SNX13: variants seen among roughly 807,000 people sequenced by gnomAD.
The protein encoded by SNX13 is sorting nexin-13.
SNX13 carries 45 observed loss-of-function variants against 133.6 expected under a neutral mutation model. The ratio of observed to expected loss-of-function variants is 0.34; its 90% CI spans 0.27 to 0.43. SNX13 has a LOEUF of 0.43. Ranked by LOEUF, SNX13 falls within the 20% of genes least tolerant of loss-of-function variation. The probability of loss-of-function intolerance (pLI) is 1.00; values close to 1 mark genes in which losing one functional copy is unlikely to be tolerated. For synonymous variants in SNX13, 414 were observed against 373.9 expected (o/e 1.11, Z -1.24); for missense variants, 1,032 against 1,145.1 (o/e 0.90, Z 1.43).
At chr7:17,887,171 A>G (rs1335476155) in intron 5 of SNX13, among the ~76,000 whole-genome samples, 1 of 152,194 alleles carries the variant, frequency 6.6e-6, no homozygotes. Flanking sequence ...TTTCACCCAC[A>G]TCATCTCATT....
rs150366643 is a variant in SNX13 at position 17,794,436 on chromosome 7, G to C, written c.2627-144C>G. 4.1e-4 allele frequency: 410 copies of C among 1,003,502 alleles called. No individual in the cohort carries two copies. The African/African-American group carries it at 6.0e-3, about 15-fold the overall frequency. The allele number at this position is 1,003,502 out of a possible 1,614,324, so 62.2% of individuals were successfully genotyped here. ...TAATGCATTTCAGCTATGTACTATA[G>C]CTGAAACTTAATATGCATCTTTGCA... On this transcript the variant is annotated intron_variant, in intron 25 of 25. Transcript: ENST00000428135.
intron 1 of SNX13, among the ~76,000 whole-genome samples, chr7:17,911,265 T>C (rs1485011464): frequency 1.3e-5 from 2 of 152,226 alleles, no homozygotes; most frequent in Non-Finnish European, 2.9e-5. Flanking sequence ...TTGTATCATA[T>C]AGGAATGTAT....
At chr7:17,879,038 T>G (rs556625581) in intron 5 of SNX13, among the ~76,000 whole-genome samples, 24 of 152,232 alleles carry the variant, frequency 1.6e-4, no homozygotes, top group African/African-American at 5.8e-4. Flanking sequence ...CCCCACCCTC[T>G]CCACTATTCC....
intron 5 of SNX13, among the ~76,000 whole-genome samples, chr7:17,878,012 C>G (rs960582734): frequency 1.3e-5 from 2 of 151,954 alleles, no homozygotes; most frequent in African/African-American, 2.4e-5. Flanking sequence ...TTGGAAAATA[C>G]TTTGATGACA....
rs1783658237 is a variant in SNX13 at position 17,792,625 on chromosome 7, C to T, written c.*1420G>A. Reference sequence around the variant, plus strand: ...TAAGCACCCAGACTTTCTTTTAATACCAGGATCTTGGCTCAGTGGTCTGAT... The same window carrying T: ...TAAGCACCCAGACTTTCTTTTAATATCAGGATCTTGGCTCAGTGGTCTGAT... On this transcript the variant is annotated 3_prime_UTR_variant, in exon 26 of 26. Coordinates refer to ENST00000428135, the MANE Select transcript of SNX13 (RefSeq NM_015132.5). 6.6e-6 allele frequency: 1 copy of T among 152,284 alleles called. No individual in the cohort carries two copies. The highest frequency in any genetic ancestry group is 1.5e-5 in the Non-Finnish European group (1 of 67,884). The allele number at this position is 152,284 out of a possible 1,614,324, so 9.4% of individuals were successfully genotyped here.
chr7:17,906,133 T>A (rs147256730), intron 1 of SNX13, among the ~76,000 whole-genome samples: 2,217 of 152,274 alleles, frequency 0.015, 22 homozygotes, highest in Non-Finnish European at 0.022. Flanking sequence ...AAGTACAAGA[T>A]GATTTTACAA....
At chr7:17,819,560 A>G (rs1787050740) in intron 18 of SNX13, among the ~76,000 whole-genome samples, 1 of 152,184 alleles carries the variant, frequency 6.6e-6, no homozygotes, top group African/African-American at 2.4e-5. Flanking sequence ...AATTATATAA[A>G]CAAATGAAAC....
chr7:17,803,574 T>C lies in SNX13; in HGVS notation c.2071A>G (p.Thr691Ala), dbSNP rs1205701055. 4 of 1,607,302 alleles carry C rather than the reference T, an allele frequency of 2.5e-6. No homozygotes were observed. Among genetic ancestry groups the C allele is most frequent in the Non-Finnish European group, 3.4e-6 (4 of 1,176,906 alleles). ...GKGDFARKMD[T>A]FVNPLRNSMR... ...GAATTGCGAAGTGGATTTACAAAAG[T>C]GTCCATCTAAAGGGAAAAAAGATAT... The change falls in exon 21 of 26, where the codon ACT becomes GCT. Residue 691 changes from threonine to alanine, a missense_variant. By Grantham distance (58) the Thr-to-Ala change is moderately conservative. Transcript: ENST00000428135.
chr7:17,798,466 A>G (rs1019639255), intron 24 of SNX13, among the ~76,000 whole-genome samples: 6 of 151,928 alleles, frequency 3.9e-5, no homozygotes, highest in African/African-American at 9.7e-5. Context: ...CTATCATTTG[A>G]AAGATCTTTC....
Position 17,849,623 on chromosome 7 carries a change from A to AC in SNX13, c.1065+723dup, listed in dbSNP as rs540664027. ...ACCATATATGACCATATAAGATCTA[A>AC]CCCCCCGGTTCTTCTATGACTTCAT... On this transcript the variant is annotated intron_variant, in intron 11 of 25. Transcript: ENST00000428135. Among the ~76,000 whole-genome samples, 197 of 152,236 alleles carry AC rather than the reference A, an allele frequency of 1.3e-3. 2 individuals are homozygous for AC. Among genetic ancestry groups the AC allele is most frequent in the South Asian group, 8.7e-3 (42 of 4,820 alleles).
intron 20 of SNX13, among the ~76,000 whole-genome samples, chr7:17,813,565 C>T (rs1318552302): frequency 6.6e-6 from 1 of 151,584 alleles, no homozygotes; most frequent in Admixed American, 6.6e-5. Flanking sequence ...AATCAAAAAT[C>T]CTGAAGTAAT....
chr7:17,899,201 C>T (rs1036724908), intron 1 of SNX13: 1 of 152,130 alleles, frequency 6.6e-6, no homozygotes, highest in African/African-American at 2.4e-5. Context: ...GAGCACCATT[C>T]CATGTTTTTT....
At chr7:17,805,373 T>A (rs1785176720) in intron 20 of SNX13, among the ~76,000 whole-genome samples, 1 of 152,170 alleles carries the variant, frequency 6.6e-6, no homozygotes, top group Non-Finnish European at 1.5e-5. Flanking sequence ...TGGCCTTTCT[T>A]TTAAATGGTA....
intron 18 of SNX13, among the ~76,000 whole-genome samples, chr7:17,821,210 C>T (rs1787243808): frequency 6.6e-6 from 1 of 152,132 alleles, no homozygotes; most frequent in South Asian, 2.1e-4. Flanking sequence ...GCCCAAAAAA[C>T]TTTGAAAAGC....
intron 18 of SNX13, among the ~76,000 whole-genome samples, chr7:17,821,178 C>G (rs1424155336): frequency 1.3e-5 from 2 of 152,118 alleles, no homozygotes; most frequent in Non-Finnish European, 2.9e-5. Flanking sequence ...CTACAGCAAT[C>G]CCCATTCCTA....
intron 1 of SNX13, among the ~76,000 whole-genome samples, chr7:17,915,889 T>C (rs1230455071): frequency 6.6e-6 from 1 of 152,334 alleles, no homozygotes; most frequent in East Asian, 1.9e-4. Flanking sequence ...ACTCTAAGAC[T>C]GTCCACATTG....
At chr7:17,890,846 T>G (rs760473455) in intron 4 of SNX13, among the ~76,000 whole-genome samples, 14 of 151,946 alleles carry the variant, frequency 9.2e-5, no homozygotes, top group Non-Finnish European at 1.6e-4. Flanking sequence ...TGGAATGAGA[T>G]GTAAAATAAT....
chr7:17,850,429 T>G lies in SNX13; in HGVS notation c.983A>C (p.Asn328Thr). 6.4e-7 allele frequency: 1 copy of G among 1,559,276 alleles called. No homozygotes were observed. The highest frequency in any genetic ancestry group is 8.7e-7 in the Non-Finnish European group (1 of 1,149,034). Residue 328 changes from asparagine to threonine, a missense_variant, in exon 11 of 26, where the codon AAC (asparagine) becomes ACC (threonine). Coordinates refer to ENST00000428135, the MANE Select transcript of SNX13 (RefSeq NM_015132.5). ...GCTATTTATTTGATTTTTGATAGTG[T>G]TGATATCTAAAAGCAAAGAAATCAT... ...RSLDTAGDDI[N>T]TIKNQINSLL... is the part of the protein sequence containing the mutation.
At chr7:17,818,070 G>T (rs1215108254) in intron 18 of SNX13, among the ~76,000 whole-genome samples, 1 of 152,122 alleles carries the variant, frequency 6.6e-6, no homozygotes, top group African/African-American at 2.4e-5. Context: ...GAGACAACAG[G>T]AATGCATCAC....
Sources: allele counts gnomAD v4.1 joint callset (sites outside exome capture counted in the v4.1 genomes callset), GRCh38; gene constraint gnomAD v4.1.1; transcripts MANE v1.5; gene names NCBI Gene and HGNC (gene_info 2026-07-23, HGNC 2026-07-21).